CASS4: variants seen among roughly 807,000 people sequenced by gnomAD.
CASS4 encodes Cas scaffold protein family member 4, also known as cas scaffolding protein family member 4.
In CASS4, 22 loss-of-function variants were observed where a neutral mutation model predicts 54.2. The ratio of observed to expected loss-of-function variants is 0.41; its 90% CI spans 0.29 to 0.58. The LOEUF (loss-of-function observed/expected upper bound fraction) is 0.58. CASS4 is among the 20% of genes least tolerant of loss of function. The pLI is 0.36. For synonymous variants in CASS4, 409 were observed against 391.5 expected (o/e 1.04, Z -0.53); for missense variants, 854 against 986.7 (o/e 0.87, Z 1.80).
Position 56,459,352 on chromosome 20 carries a change from AT to A in CASS4, c.*609del. 4.9e-6 allele frequency: 1 copy of A among 205,380 alleles called. No individual in the cohort carries two copies. Among genetic ancestry groups the A allele is most frequent in the Non-Finnish European group, 1.1e-5 (1 of 93,668 alleles). 12.7% of individuals were successfully genotyped at this position (205,380 alleles called of 1,614,324 possible). On this transcript the variant is annotated 3_prime_UTR_variant, in exon 6 of 6. Coordinates refer to ENST00000679887, the MANE Select transcript of CASS4 (RefSeq NM_020356.4). ...GTACAATTCTCCAGAGAGCGGTGAC[AT>A]TTTCAGCTTGATGTGGTAACATGAC...
chr20:56,412,350 A>G lies in CASS4; in HGVS notation c.-109A>G. On this transcript the variant is annotated 5_prime_UTR_variant, in exon 1 of 6. Coordinates refer to ENST00000679887, the MANE Select transcript of CASS4 (RefSeq NM_020356.4). This position sits in a 1 kb window ranked among gnomAD's most constrained non-coding sequence, Gnocchi z 4.2. ...ATGTGTTGTCAGATAGCTCCATAGA[A>G]TTCAGTTTCTGAGAACCAGCCAGAA... 3.4e-6 allele frequency: 4 copies of G among 1,190,138 alleles called. No individual in the cohort carries two copies. Among genetic ancestry groups the G allele is most frequent in the Non-Finnish European group, 2.4e-6 (2 of 819,108 alleles). 73.7% of individuals were successfully genotyped at this position (1,190,138 alleles called of 1,614,324 possible). A position where few individuals can be genotyped will look rare whatever the true frequency, so the allele number is the denominator to read the frequency against.
chr20:56,447,831 C>T (rs1038557415), intron 3 of CASS4, among the ~76,000 whole-genome samples: 1 of 151,094 alleles, frequency 6.6e-6, no homozygotes, highest in Non-Finnish European at 1.5e-5. Context: ...GGAGCACAGG[C>T]GCTTGCCTTG....
chr20:56,413,672 CAAAAAAAAAA>C (rs35217347), intron 1 of CASS4, among the ~76,000 whole-genome samples: 2,142 of 28,294 alleles, frequency 0.076, 46 homozygotes, highest in South Asian at 0.17. Flanking sequence ...GACTCTGTCT[CAAAAAAAAAA>C]AAAAAAAAAA....
chr20:56,454,769 T>C (rs2146298875), intron 5 of CASS4, among the ~76,000 whole-genome samples: 1 of 152,364 alleles, frequency 6.6e-6, no homozygotes, highest in East Asian at 1.9e-4. Context: ...CTAAAGCTTC[T>C]GATTCATACG....
At position 56,437,502 on chromosome 20, in the gene CASS4, C is replaced by T. The variant is rs1440772128; in HGVS notation, c.375C>T (p.Pro125=). ...QMRSWAEGPQ[P]PTAQVYEFPD... ...GGAGTTGGGCGGAGGGGCCCCAGCC[C>T]CCTACTGCCCAAGTCTATGAATTCC... Residue 125 remains proline (P), a synonymous_variant, in exon 2 of 6, where the codon CCC becomes CCT. Transcript: ENST00000679887. This position sits in a 1 kb window ranked among gnomAD's most constrained non-coding sequence, Gnocchi z 4.7. The T allele has an allele frequency of 1.2e-6, 2 of 1,603,990 alleles. No homozygotes were observed. The highest frequency in any genetic ancestry group is 1.7e-6 in the Non-Finnish European group (2 of 1,175,150).
chr20:56,450,180 C>T (rs866724026), intron 3 of CASS4, among the ~76,000 whole-genome samples: 4 of 151,934 alleles, frequency 2.6e-5, no homozygotes, highest in East Asian at 1.9e-4. Context: ...TACAGTCATG[C>T]GCCACCATAC....
intron 1 of CASS4, among the ~76,000 whole-genome samples, chr20:56,415,336 C>A (rs1979078682): frequency 6.6e-6 from 1 of 152,148 alleles, no homozygotes; most frequent in Non-Finnish European, 1.5e-5. Flanking sequence ...GTAGGCCACC[C>A]CCACCCACCC....
chr20:56,439,571 G>A (rs1302051971), intron 2 of CASS4, among the ~76,000 whole-genome samples: 1 of 151,854 alleles, frequency 6.6e-6, no homozygotes, highest in African/African-American at 2.4e-5. Context: ...AGCTACTCAG[G>A]AGGCTGTGGA....
At chr20:56,446,254 T>C (rs1292779412) in intron 3 of CASS4, among the ~76,000 whole-genome samples, 1 of 152,210 alleles carries the variant, frequency 6.6e-6, no homozygotes, top group Non-Finnish European at 1.5e-5. Flanking sequence ...TTATAATAGA[T>C]TGTTTTTTCT....
intron 1 of CASS4, among the ~76,000 whole-genome samples, chr20:56,418,796 C>T (rs1365538093): frequency 1.3e-5 from 2 of 152,154 alleles, no homozygotes; most frequent in Admixed American, 6.6e-5. Flanking sequence ...ACACAATGTA[C>T]CTTTCATTCC....
At chr20:56,419,689 C>G (rs1979324914) in intron 1 of CASS4, among the ~76,000 whole-genome samples, 1 of 152,058 alleles carries the variant, frequency 6.6e-6, no homozygotes, top group African/African-American at 2.4e-5. Flanking sequence ...CCTCAGCTTC[C>G]CAAAGTGCTG....
intron 1 of CASS4, among the ~76,000 whole-genome samples, chr20:56,436,086 G>C (rs1406819269): frequency 2.6e-5 from 4 of 152,000 alleles, no homozygotes; most frequent in Non-Finnish European, 5.9e-5. Flanking sequence ...CATTTACTGA[G>C]CATACTCTAT....
intron 2 of CASS4, among the ~76,000 whole-genome samples, chr20:56,440,407 C>A (rs1980399827): frequency 6.6e-6 from 1 of 152,160 alleles, no homozygotes; most frequent in Admixed American, 6.5e-5. Flanking sequence ...CCTTCCTCTC[C>A]CTGAAAGGAA....
intron 2 of CASS4, among the ~76,000 whole-genome samples, chr20:56,444,210 T>C (rs893521398): frequency 2.0e-5 from 3 of 152,158 alleles, no homozygotes; most frequent in Non-Finnish European, 2.9e-5. Flanking sequence ...TTCCCAGTGC[T>C]GCATCCCGGG....
Position 56,452,348 on chromosome 20 carries a change from C to T in CASS4, c.1172C>T (p.Pro391Leu), listed in dbSNP as rs1350348318. ...SSWFSRRTTS[P>L]SPEPDRLSGS... ...TGGTTCTCCAGACGGACAACTTCCC[C>T]ATCTCCTGAACCGGACAGATTATCA... Residue 391 changes from proline (P) to leucine (L), a missense_variant, in exon 5 of 6, where the codon CCA becomes CTA. By Grantham distance (98) the Pro-to-Leu change is moderately conservative. Transcript: ENST00000679887. 4 of 1,613,848 alleles carry T rather than the reference C, an allele frequency of 2.5e-6. No homozygotes were observed. In the Admixed American group the frequency reaches 5.0e-5, roughly 20 times the overall value.
intron 1 of CASS4, among the ~76,000 whole-genome samples, chr20:56,431,229 A>G (rs1242552106): frequency 6.6e-6 from 1 of 152,248 alleles, no homozygotes; most frequent in African/African-American, 2.4e-5. Context: ...TTATGACTTC[A>G]GTGCATCCAA....
At chr20:56,454,644 G>C (rs1295686445) in intron 5 of CASS4, among the ~76,000 whole-genome samples, 1 of 152,120 alleles carries the variant, frequency 6.6e-6, no homozygotes, top group Non-Finnish European at 1.5e-5. Flanking sequence ...TAAGTTGAAG[G>C]GATTTTATTT....
intron 2 of CASS4, among the ~76,000 whole-genome samples, chr20:56,438,305 A>G (rs187774816): frequency 8.8e-4 from 132 of 150,764 alleles, no homozygotes; most frequent in African/African-American, 3.0e-3. Flanking sequence ...AAAAAAAAGT[A>G]TATCCCCTTC....
chr20:56,430,850 A>G lies in CASS4; in HGVS notation c.37-6314A>G, dbSNP rs899358773. On this transcript the variant is annotated intron_variant, in intron 1 of 5. Transcript: ENST00000679887. The surrounding 1 kb of genome is among the most constrained non-coding windows in gnomAD (Gnocchi z 4.2). Reference sequence around the variant, plus strand: ...AAAGGTCTGAGGTGGAAGCAACCTCAGGGCATTTGAGAAAAGTAAGAAAAC... The same window carrying G: ...AAAGGTCTGAGGTGGAAGCAACCTCGGGGCATTTGAGAAAAGTAAGAAAAC... Among the ~76,000 whole-genome samples, 2 of 152,184 alleles carry G rather than the reference A, an allele frequency of 1.3e-5. No homozygotes were observed. Among genetic ancestry groups the G allele is most frequent in the African/African-American group, 2.4e-5 (1 of 41,438 alleles).
Sources: allele counts gnomAD v4.1 joint callset (sites outside exome capture counted in the v4.1 genomes callset), GRCh38; gene constraint gnomAD v4.1.1; non-coding constraint Gnocchi (gnomAD v3.1); transcripts MANE v1.5; gene names NCBI Gene and HGNC (gene_info 2026-07-23, HGNC 2026-07-21).